Variants in SOX13 observed in about 807,000 individuals in gnomAD.
SOX13 encodes the protein SRY-box transcription factor 13.
Under a neutral mutation model 71.8 loss-of-function variants are expected in SOX13, and 28 were observed. The ratio of observed to expected loss-of-function variants is 0.39; its 90% confidence interval spans 0.29 to 0.53. The LOEUF (loss-of-function observed/expected upper bound fraction) is 0.53. Among genes scored for constraint, SOX13 ranks in the 20% least tolerant of loss-of-function variants. The pLI, the probability that SOX13 is intolerant of heterozygous loss-of-function variation, is 0.70. For synonymous variants in SOX13, 309 were observed against 317.8 expected (o/e 0.97, Z 0.29); for missense variants, 627 against 810.3 (o/e 0.77, Z 2.75).
At chr1:204,116,179 C>T (rs935327025) in intron 4 of SOX13, 2 of 1,285,048 alleles carry the variant, frequency 1.6e-6, no homozygotes, top group African/African-American at 3.0e-5. Context: ...GATGGTTGTC[C>T]ACCCTGACCC....
chr1:204,116,762 C>A (rs1656702839), intron 5 of SOX13, 83 bp downstream of exon 5: 1 of 1,566,220 alleles, frequency 6.4e-7, no homozygotes, highest in Non-Finnish European at 8.6e-7. Flanking sequence ...TAGGGACAGG[C>A]CTCACCAGTG....
At position 204,121,025 on chromosome 1, in the gene SOX13, G is replaced by C. The variant is rs1656792090; in HGVS notation, c.776-875G>C. On this transcript the variant is annotated intron_variant, in intron 7 of 13. Coordinates refer to ENST00000367204, the MANE Select transcript of SOX13 (RefSeq NM_005686.3). ...AACAGAGTCTCGCTCTGTCCCCCAG[G>C]TTGGAGTGCAGTGGTGCAATCTCGA... is the stretch of plus-strand genomic sequence containing the variant. 2.0e-5 allele frequency among the ~76,000 whole-genome samples: 3 copies of C among 150,868 alleles called. No homozygotes were observed. In the South Asian group the frequency reaches 6.3e-4, roughly 32 times the overall value.
chr1:204,119,478 C>T (rs957456914), intron 7 of SOX13: 5 of 152,054 alleles, frequency 3.3e-5, no homozygotes, highest in African/African-American at 4.8e-5. Context: ...AGGGCTCCAC[C>T]CTCATGACCC....
intron 1 of SOX13, among the ~76,000 whole-genome samples, chr1:204,104,234 A>G (rs998952923): frequency 2.0e-5 from 3 of 152,164 alleles, no homozygotes; most frequent in African/African-American, 7.2e-5. Flanking sequence ...ACCAGCCTGG[A>G]AACAGCCGAG....
At chr1:204,095,996 A>C (rs1459416144) in intron 1 of SOX13, among the ~76,000 whole-genome samples, 1 of 152,190 alleles carries the variant, frequency 6.6e-6, no homozygotes, top group Non-Finnish European at 1.5e-5. Context: ...AGATGTGTCA[A>C]GATTGCCTTC....
intron 7 of SOX13, chr1:204,117,935 G>A: frequency 1.8e-6 from 1 of 555,086 alleles, no homozygotes; most frequent in East Asian, 3.0e-5. Flanking sequence ...GTAAAATGAT[G>A]TAGCAATCCA....
chr1:204,098,465 C>T (rs539570185), intron 1 of SOX13, among the ~76,000 whole-genome samples: 2 of 149,844 alleles, frequency 1.3e-5, no homozygotes, highest in East Asian at 2.0e-4. Context: ...GGTGACAGAG[C>T]GAGACTCAAA....
chr1:204,090,882 C>T (rs564540351), intron 1 of SOX13, among the ~76,000 whole-genome samples: 1 of 152,302 alleles, frequency 6.6e-6, no homozygotes, highest in South Asian at 2.1e-4. Context: ...CGGTGACTTA[C>T]AGAGGCTGAG....
At chr1:204,075,099 A>G (rs567642028) in intron 1 of SOX13, among the ~76,000 whole-genome samples, 25 of 152,254 alleles carry the variant, frequency 1.6e-4, no homozygotes, top group South Asian at 1.5e-3. Context: ...GTATCCCCCA[A>G]AGGATCACGA....
intron 1 of SOX13, among the ~76,000 whole-genome samples, chr1:204,109,282 A>T (rs1306700644): frequency 6.6e-6 from 1 of 152,226 alleles, no homozygotes. Context: ...GTCTGGTCTG[A>T]TCAGCAAGGT....
rs1217066973 is a variant in SOX13, at chr1:204,122,410, T to G, written c.1024+11T>G. ...CGAGCCTGCCTCTGGGTAAGCCTCC[T>G]GCTGCCTGCACTTGTCCCTCAGCCC... On this transcript the variant is annotated intron_variant, in intron 9 of 13. Coordinates refer to ENST00000367204, the MANE Select transcript of SOX13 (RefSeq NM_005686.3). 1 of 1,564,722 alleles carries G rather than the reference T, an allele frequency of 6.4e-7. No homozygotes were observed. Among genetic ancestry groups the G allele is most frequent in the Non-Finnish European group, 8.7e-7 (1 of 1,154,964 alleles).
At chr1:204,117,033 G>C in intron 5 of SOX13, 89 bp from the exon 6 acceptor site, 6 of 1,331,816 alleles carry the variant, frequency 4.5e-6, no homozygotes, top group Non-Finnish European at 6.4e-6. Flanking sequence ...TTGCCCCACT[G>C]TAGAAAGCAG....
chr1:204,105,220 G>A (rs1656443977), intron 1 of SOX13, among the ~76,000 whole-genome samples: 1 of 152,192 alleles, frequency 6.6e-6, no homozygotes. Context: ...TGCATGTCAA[G>A]GGCGAAGATG....
intron 1 of SOX13, among the ~76,000 whole-genome samples, chr1:204,090,325 A>T (rs1014856763): frequency 3.3e-5 from 5 of 151,696 alleles, no homozygotes; most frequent in African/African-American, 1.2e-4. Flanking sequence ...GCTGATGGCC[A>T]CTTAACCCTG....
chr1:204,098,665 C>T (rs774491863), intron 1 of SOX13, among the ~76,000 whole-genome samples: 4 of 152,102 alleles, frequency 2.6e-5, no homozygotes, highest in Admixed American at 6.5e-5. Context: ...GGAATGAATG[C>T]GAAGCTAACA....
intron 1 of SOX13, among the ~76,000 whole-genome samples, chr1:204,100,374 C>T (rs765342598): frequency 6.6e-6 from 1 of 152,182 alleles, no homozygotes; most frequent in Admixed American, 6.5e-5. Context: ...TTTCATCTTA[C>T]CCCTTTGCCA....
At chr1:204,120,029 A>G (rs571783815) in intron 7 of SOX13, among the ~76,000 whole-genome samples, 24 of 152,328 alleles carry the variant, frequency 1.6e-4, no homozygotes, top group African/African-American at 5.3e-4. Context: ...CAAAACAGAC[A>G]AAAATAATAA....
intron 1 of SOX13, among the ~76,000 whole-genome samples, chr1:204,082,712 CA>C (rs1655934426): frequency 6.6e-6 from 1 of 152,160 alleles, no homozygotes. Flanking sequence ...CCTCCCTATC[CA>C]GTAAACTCCT....
In SOX13 at chr1:204,126,377, A is replaced by G. The variant is rs1656923695; in HGVS notation, c.*243A>G. 5.3e-6 allele frequency: 3 copies of G among 567,216 alleles called. No individual in the cohort carries two copies. Among genetic ancestry groups the G allele is most frequent in the Non-Finnish European group, 9.5e-6 (3 of 316,032 alleles). 35.1% of individuals were successfully genotyped at this position (567,216 alleles called of 1,614,324 possible). A position where few individuals can be genotyped will look rare whatever the true frequency, so the allele number is the denominator to read the frequency against. ...ATGGGCTGAGCAGGCTGAGCACCTC[A>G]GCCTTTAGGGCTTATGGCCAGGGGA... On this transcript the variant is annotated 3_prime_UTR_variant, in exon 14 of 14. Transcript: ENST00000367204.
Sources: gnomAD v4.1 joint callset for allele counts (sites outside exome capture counted in the v4.1 genomes callset) on GRCh38, gnomAD v4.1.1 for gene constraint, MANE v1.5 for transcripts, NCBI Gene and HGNC (gene_info 2026-07-23, HGNC 2026-07-21) for gene names.